The following GPR75 variants were observed in gnomAD, a reference collection of about 807,000 sequenced individuals.
GPR75 encodes probable G protein-coupled receptor 75.
GPR75 carries 27 observed loss-of-function variants against 26.0 expected under a neutral mutation model. The observed-to-expected ratio is 1.04, with a 90% CI of 0.77 to 1.43. The LOEUF is 1.43. Ranked by LOEUF, GPR75 falls within the 40% of genes most tolerant of loss-of-function variation. The pLI, the probability that GPR75 is intolerant of heterozygous loss-of-function variation, is 0.00. For synonymous variants in GPR75, 285 were observed against 256.3 expected (o/e 1.11, Z -1.07); for missense variants, 699 against 662.3 (o/e 1.06, Z -0.61).
At chr2:53,859,159 C>A (rs1454690556) in intron 1 of GPR75, among the ~76,000 whole-genome samples, 1 of 151,168 alleles carries the variant, frequency 6.6e-6, no homozygotes, top group African/African-American at 2.4e-5. Context: ...CAACCCCATT[C>A]CCCGCGCGCC....
At chr2:53,855,611 G>C (rs1465153390) in intron 1 of GPR75, among the ~76,000 whole-genome samples, 1 of 152,148 alleles carries the variant, frequency 6.6e-6, no homozygotes, top group Non-Finnish European at 1.5e-5. Context: ...CCAGCTGGAT[G>C]AAAGGTCGGG....
rs146624982 is a variant in GPR75 at position 53,853,910 on chromosome 2, C to A, written c.847G>T (p.Val283Phe). 6.2e-7 allele frequency: 1 copy of A among 1,614,008 alleles called. No homozygotes were observed. The highest frequency in any genetic ancestry group is 8.5e-7 in the Non-Finnish European group (1 of 1,180,010). The change falls in exon 2 of 2, where the codon GTT becomes TTT. Residue 283 changes from valine (V) to phenylalanine (F), a missense_variant. Transcript: ENST00000394705. ...RNQNYNKLQH[V>F]QTRGYTKSPN... is the part of the protein sequence containing the mutation. Reference sequence around the variant, plus strand: ...CTCTTGGTATATCCACGGGTCTGAACGTGCTGCAGTTTGTTGTAATTCTGG... The same window carrying A: ...CTCTTGGTATATCCACGGGTCTGAAAGTGCTGCAGTTTGTTGTAATTCTGG...
At chr2:53,859,475 G>A (rs1481256812) in intron 1 of GPR75, among the ~76,000 whole-genome samples, 1 of 152,174 alleles carries the variant, frequency 6.6e-6, no homozygotes, top group Non-Finnish European at 1.5e-5. Flanking sequence ...ACCCCCCCGT[G>A]AGGGGCTGGC....
rs1678157863 is a variant in GPR75 at position 53,853,927 on chromosome 2, T to TA, written c.829dup (p.Tyr277LeufsTer82). On this transcript the variant is annotated frameshift_variant, in exon 2 of 2. Coordinates refer to ENST00000394705, the MANE Select transcript of GPR75 (RefSeq NM_006794.4). LOFTEE classifies it high-confidence loss of function. ...GGTCTGAACGTGCTGCAGTTTGTTG[T>TA]AATTCTGGTTCCTATACAGAGCCGG... is the stretch of plus-strand genomic sequence containing the variant. The TA allele has an allele frequency of 6.2e-7, 1 of 1,614,030 alleles. No homozygotes were observed. Among genetic ancestry groups the TA allele is most frequent in the Non-Finnish European group, 8.5e-7 (1 of 1,180,014 alleles).
rs370483316 is a variant in GPR75 at position 53,854,724 on chromosome 2, G to T, written c.33C>A (p.Pro11=). Reference sequence around the variant, plus strand: ...GAGGCACATGGAGCGAGGTGGCATTGGGGGCATCCTGAAGGTGGCCTGTTG... The same window carrying T: ...GAGGCACATGGAGCGAGGTGGCATTTGGGGCATCCTGAAGGTGGCCTGTTG... The part of the protein sequence containing the change: MNSTGHLQDA[P]NATSLHVPHS... The change falls in exon 2 of 2, where the codon CCC becomes CCA. Residue 11 remains proline, a synonymous_variant. Coordinates refer to ENST00000394705, the MANE Select transcript of GPR75 (RefSeq NM_006794.4). The T allele has an allele frequency of 5.4e-5, 87 of 1,613,736 alleles. No individual in the cohort carries two copies. The highest frequency in any genetic ancestry group is 7.3e-5 in the Non-Finnish European group (86 of 1,179,846).
chr2:53,856,966 T>TTTTTTC (rs1678244947), intron 1 of GPR75, among the ~76,000 whole-genome samples: 7 of 127,808 alleles, frequency 5.5e-5, no homozygotes, highest in Admixed American at 8.4e-5. Context: ...TTTTTTTTTT[T>TTTTTTC]TTTTTTTTGA....
intron 1 of GPR75, among the ~76,000 whole-genome samples, chr2:53,856,248 A>G (rs1446972623): frequency 2.0e-5 from 3 of 152,178 alleles, no homozygotes; most frequent in Non-Finnish European, 2.9e-5. Context: ...ACACAAATCT[A>G]CATTGTCCCA....
rs757689675 is a variant in GPR75 at position 53,853,576 on chromosome 2, A to G, written c.1181T>C (p.Ile394Thr). 1.2e-6 allele frequency: 2 copies of G among 1,613,992 alleles called. No homozygotes were observed. Among genetic ancestry groups the G allele is most frequent in the Non-Finnish European group, 1.7e-6 (2 of 1,179,982 alleles). Reference sequence around the variant, plus strand: ...TTTGCAGCAGAAAAAACCCAGGCCTATGTATTGGAGGCACCAGAGCACTTT... The same window carrying G: ...TTTGCAGCAGAAAAAACCCAGGCCTGTGTATTGGAGGCACCAGAGCACTTT... Reference protein sequence around the residue: ...RRKVLWCLQYIGLGFFCCKQK... With the variant: ...RRKVLWCLQYTGLGFFCCKQK... The change falls in exon 2 of 2, where the codon ATA becomes ACA. Residue 394 changes from isoleucine (I) to threonine (T), a missense_variant. By Grantham distance (89) the Ile-to-Thr change is moderately conservative. Coordinates refer to ENST00000394705, the MANE Select transcript of GPR75 (RefSeq NM_006794.4).
At chr2:53,856,657 C>T (rs1678234075) in intron 1 of GPR75, among the ~76,000 whole-genome samples, 1 of 152,174 alleles carries the variant, frequency 6.6e-6, no homozygotes, top group Non-Finnish European at 1.5e-5. Flanking sequence ...CCTGGGAAAT[C>T]CATATAATTG....
In GPR75 at chr2:53,859,818, G is replaced by C. The variant is rs1482553331; in HGVS notation, c.-110+10C>G. On this transcript the variant is annotated intron_variant, in intron 1 of 1. Coordinates refer to ENST00000394705, the MANE Select transcript of GPR75 (RefSeq NM_006794.4). The stretch of plus-strand genomic sequence containing the variant: ...GGGTTGTCCTCCTCCAGGGGCCCGC[G>C]GCCTCTCACCTGCCGGGTGGCCGCA... 14 of 1,527,128 alleles carry C rather than the reference G, an allele frequency of 9.2e-6. No homozygotes were observed. The highest frequency in any genetic ancestry group is 1.4e-5 in the African/African-American group (1 of 71,610). The allele number at this position is 1,527,128 out of a possible 1,614,324, so 94.6% of individuals were successfully genotyped here.
At chr2:53,859,642 G>C (rs954155352) in intron 1 of GPR75, among the ~76,000 whole-genome samples, 186 bp downstream of exon 1, 3 of 151,768 alleles carry the variant, frequency 2.0e-5, no homozygotes, top group Admixed American at 2.0e-4. Flanking sequence ...GGGTTCCACG[G>C]CCGAGCAGAG....
Position 53,854,800 on chromosome 2 carries a change from C to A in GPR75, c.-44G>T. ...CCTTCTTCTGCTCCCCAAAAATACT[C>A]AGTGAGTCAGGGCCTCAGCTCACAG... is the stretch of plus-strand genomic sequence containing the variant. On this transcript the variant is annotated 5_prime_UTR_variant, in exon 2 of 2. Coordinates refer to ENST00000394705, the MANE Select transcript of GPR75 (RefSeq NM_006794.4). 3 of 1,494,466 alleles carry A rather than the reference C, an allele frequency of 2.0e-6. No homozygotes were observed. Among genetic ancestry groups the A allele is most frequent in the Non-Finnish European group, 2.8e-6 (3 of 1,084,804 alleles). 92.6% of individuals were successfully genotyped at this position (1,494,466 alleles called of 1,614,324 possible). A position where few individuals can be genotyped will look rare whatever the true frequency, so the allele number is the denominator to read the frequency against.
chr2:53,853,535 G>C lies in GPR75; in HGVS notation c.1222C>G (p.Arg408Gly). The C allele has an allele frequency of 1.9e-6, 3 of 1,614,114 alleles. No homozygotes were observed. The highest frequency in any genetic ancestry group is 1.7e-6 in the Non-Finnish European group (2 of 1,180,036). Residue 408 changes from arginine (R) to glycine (G), a missense_variant, in exon 2 of 2, where the codon CGA becomes GGA. Physicochemically the swap from Arg to Gly is moderately radical, Grantham distance 125. Coordinates refer to ENST00000394705, the MANE Select transcript of GPR75 (RefSeq NM_006794.4). Reference sequence around the variant, plus strand: ...TCGAGGTTCCCTTTTCCCATGGCTCGAAGTCGAGTCTTTTGTTTGCAGCAG... The same window carrying C: ...TCGAGGTTCCCTTTTCCCATGGCTCCAAGTCGAGTCTTTTGTTTGCAGCAG... ...FFCCKQKTRLRAMGKGNLEVN... is the reference protein window; with the variant it reads ...FFCCKQKTRLGAMGKGNLEVN...
rs1678333505 is a variant in GPR75 at position 53,859,868 on chromosome 2, G to C, written c.-150C>G. 3 of 1,532,582 alleles carry C rather than the reference G, an allele frequency of 2.0e-6. No individual in the cohort carries two copies. The Admixed American group carries it at 5.9e-5, about 30-fold the overall frequency. 94.9% of individuals were successfully genotyped at this position (1,532,582 alleles called of 1,614,324 possible). A position where few individuals can be genotyped will look rare whatever the true frequency, so the allele number is the denominator to read the frequency against. On this transcript the variant is annotated 5_prime_UTR_variant, in exon 1 of 2. Transcript: ENST00000394705. Reference sequence around the variant, plus strand: ...AGCGCCGCCCCTCCTCCATCTCGCAGTCCGGACCCCAGCTCCGCCTGCCGC... The same window carrying C: ...AGCGCCGCCCCTCCTCCATCTCGCACTCCGGACCCCAGCTCCGCCTGCCGC...
In GPR75 at chr2:53,853,686, A is replaced by C. The variant is rs377737759; in HGVS notation, c.1071T>G (p.Phe357Leu). ...ATATAAGAGTAAATCCAAACAATTCAAACTGGTAAAGAATGAAGCTCCCAT... is the reference window on the plus strand; with the variant it reads ...ATATAAGAGTAAATCCAAACAATTCCAACTGGTAAAGAATGAAGCTCCCAT... ...SSNGSFILYQ[F>L]ELFGFTLIFF... is the part of the protein sequence containing the mutation. Residue 357 changes from phenylalanine (F) to leucine (L), a missense_variant, in exon 2 of 2, where the codon TTT becomes TTG. Coordinates refer to ENST00000394705, the MANE Select transcript of GPR75 (RefSeq NM_006794.4). 9 of 1,613,918 alleles carry C rather than the reference A, an allele frequency of 5.6e-6. No homozygotes were observed. In the African/African-American group the frequency reaches 1.2e-4, roughly 22 times the overall value.
intron 1 of GPR75, among the ~76,000 whole-genome samples, chr2:53,859,183 G>T (rs908771630): frequency 7.9e-5 from 12 of 151,482 alleles, no homozygotes; most frequent in Admixed American, 2.6e-4. Flanking sequence ...AAATGTCTTA[G>T]GTTAGCATTT....
chr2:53,853,015 T>G lies in GPR75; in HGVS notation c.*119A>C. The G allele has an allele frequency of 2.9e-6, 2 of 693,622 alleles. No homozygotes were observed. The highest frequency in any genetic ancestry group is 5.3e-5 in the East Asian group (2 of 37,624). The allele number at this position is 693,622 out of a possible 1,614,324, so 43.0% of individuals were successfully genotyped here. On this transcript the variant is annotated 3_prime_UTR_variant, in exon 2 of 2. Coordinates refer to ENST00000394705, the MANE Select transcript of GPR75 (RefSeq NM_006794.4). ...ACATCAGATGAAAGAAAACCATAAC[T>G]GCCAACTTTTCAGTTGAATCTTGTA...
Position 53,853,642 on chromosome 2 carries a change from T to C in GPR75, c.1115A>G (p.Asn372Ser), listed in dbSNP as rs1678148831. 1 of 1,613,778 alleles carries C rather than the reference T, an allele frequency of 6.2e-7. No homozygotes were observed. Among genetic ancestry groups the C allele is most frequent in the South Asian group, 1.1e-5 (1 of 91,068 alleles). ...FTLIFFKSGL[N>S]PFIYSRNSAG... ...ACTGTTCCGAGAATATATAAAAGGGTTTAATCCTGACTTGAAAAATATAAG... is the reference window on the plus strand; with the variant it reads ...ACTGTTCCGAGAATATATAAAAGGGCTTAATCCTGACTTGAAAAATATAAG... The change falls in exon 2 of 2, where the codon AAC becomes AGC. Residue 372 changes from asparagine to serine, a missense_variant. Coordinates refer to ENST00000394705, the MANE Select transcript of GPR75 (RefSeq NM_006794.4).
intron 1 of GPR75, among the ~76,000 whole-genome samples, chr2:53,858,308 T>C (rs1435845517): frequency 6.6e-6 from 1 of 152,040 alleles, no homozygotes; most frequent in Non-Finnish European, 1.5e-5. Flanking sequence ...ATCCTATGAA[T>C]AGGTATTGCA....
Sources: gnomAD v4.1 joint callset for allele counts (sites outside exome capture counted in the v4.1 genomes callset) on GRCh38, gnomAD v4.1.1 for gene constraint, MANE v1.5 for transcripts, NCBI Gene and HGNC (gene_info 2026-07-23, HGNC 2026-07-21) for gene names.